The following DCUN1D4 variants were observed in gnomAD, a reference collection of about 807,000 sequenced individuals.
The protein encoded by DCUN1D4 is DCN1-like protein 4.
A neutral mutation model predicts 47.9 loss-of-function variants in DCUN1D4; 22 were observed. The observed-to-expected ratio is 0.46, with a 90% CI of 0.33 to 0.66. DCUN1D4 has a LOEUF of 0.66. Among genes scored for constraint, DCUN1D4 ranks in the 30% least tolerant of loss-of-function variants. The probability of loss-of-function intolerance (pLI) is 0.02; values close to 1 mark genes in which losing one functional copy is unlikely to be tolerated. For missense variants in DCUN1D4, 301 were observed against 340.8 expected, an observed-to-expected ratio of 0.88 and a Z score of 0.92; for synonymous variants, 121 against 112.2, an observed-to-expected ratio of 1.08 and a Z score of -0.50.
At chr4:51,891,274 C>G (rs1213854246) in intron 6 of DCUN1D4, among the ~76,000 whole-genome samples, 4 of 152,176 alleles carry the variant, frequency 2.6e-5, no homozygotes, top group Admixed American at 6.5e-5. Context: ...TCATAGTATT[C>G]CTTTATATGG....
chr4:51,836,598 C>G, the DCUN1D4 span, among the ~76,000 whole-genome samples: 2 of 152,110 alleles, frequency 1.3e-5, no homozygotes, highest in African/African-American at 4.8e-5. Flanking sequence ...GTGGCTGAGG[C>G]GGCTGTAACC....
chr4:51,854,707 G>GTAAC (rs1195896581), intron 1 of DCUN1D4, among the ~76,000 whole-genome samples: 5 of 152,208 alleles, frequency 3.3e-5, no homozygotes, highest in Admixed American at 6.5e-5. Flanking sequence ...AGGTCATGGA[G>GTAAC]TAACCTCCAT....
intron 3 of DCUN1D4, 31 bp downstream of exon 3, chr4:51,863,740 T>C (rs763152952): frequency 6.3e-7 from 1 of 1,596,170 alleles, no homozygotes; most frequent in Non-Finnish European, 8.6e-7. Context: ...TACTTAATTT[T>C]AAATAGCTTC....
At chr4:51,860,036 G>A (rs1724802391) in intron 1 of DCUN1D4, among the ~76,000 whole-genome samples, 1 of 152,086 alleles carries the variant, frequency 6.6e-6, no homozygotes, top group African/African-American at 2.4e-5. Flanking sequence ...GCTATTACTT[G>A]CCATGAGCAT....
rs182390621 is a variant in DCUN1D4, at chr4:51,864,375, T to A, written c.136+666T>A. 9.2e-5 allele frequency among the ~76,000 whole-genome samples: 14 copies of A among 152,362 alleles called. No individual in the cohort carries two copies. The East Asian group carries it at 2.7e-3, about 29-fold the overall frequency. On this transcript the variant is annotated intron_variant, in intron 3 of 10. Transcript: ENST00000334635. Reference sequence around the variant, plus strand: ...ATCAAGTCCAGAAACTTGCATTTGATCTATGGTTACTAAAATCCTAGCAAA... The same window carrying A: ...ATCAAGTCCAGAAACTTGCATTTGAACTATGGTTACTAAAATCCTAGCAAA...
upstream of DCUN1D4, chr4:51,842,914 G>A: frequency 1.9e-6 from 1 of 524,842 alleles, no homozygotes; most frequent in Non-Finnish European, 2.8e-6. Flanking sequence ...GTGACTGACA[G>A]CAGCCGGGCC....
intron 5 of DCUN1D4, among the ~76,000 whole-genome samples, chr4:51,879,209 A>G (rs1728150201): frequency 6.6e-6 from 1 of 152,226 alleles, no homozygotes; most frequent in Admixed American, 6.5e-5. Context: ...AAACACATGG[A>G]TGCTGTTAGC....
intron 8 of DCUN1D4, chr4:51,908,856 T>TATCAGTGAG: frequency 2.2e-6 from 1 of 455,570 alleles, no homozygotes; most frequent in South Asian, 1.5e-5. Context: ...AAATGTTGGT[T>TATCAGTGAG]ATCAGTGAGA....
At chr4:51,836,655 T>C in the DCUN1D4 span, among the ~76,000 whole-genome samples, 1 of 152,112 alleles carries the variant, frequency 6.6e-6, no homozygotes, top group African/African-American at 2.4e-5. Flanking sequence ...TTTGACATAC[T>C]TCATGCTCTT....
rs190090640 is a variant in DCUN1D4, at chr4:51,863,550, T to G, written c.96+43T>G. 3 of 1,584,910 alleles carry G rather than the reference T, an allele frequency of 1.9e-6. No homozygotes were observed. In the East Asian group the frequency reaches 6.7e-5, roughly 36 times the overall value. On this transcript the variant is annotated intron_variant, in intron 2 of 10. Transcript: ENST00000334635. ...AGACAAAATTACCAACTGTTTGAAG[T>G]AGTCATTTTGTATAAGTGTATTTGA...
intron 5 of DCUN1D4, among the ~76,000 whole-genome samples, chr4:51,882,464 A>G (rs1292262518): frequency 1.3e-5 from 2 of 152,202 alleles, no homozygotes; most frequent in East Asian, 3.9e-4. Flanking sequence ...GCGGCTTGCT[A>G]GGCTCAAGAA....
chr4:51,911,127 T>C lies in DCUN1D4; in HGVS notation c.673T>C (p.Leu225=), dbSNP rs1413796803. The part of the protein sequence containing the change: ...NTAKCMLGLL[L]GKIWPLFPVF... ...TGCCAAGTGCATGTTGGGACTGTTA[T>C]TAGGAAAAATCTGGCCCCTTTTTCC... The change falls in exon 9 of 11, where the codon TTA becomes CTA. Residue 225 remains leucine (L), a synonymous_variant. Coordinates refer to ENST00000334635, the MANE Select transcript of DCUN1D4 (RefSeq NM_001040402.3). 9 of 1,612,454 alleles carry C rather than the reference T, an allele frequency of 5.6e-6. No homozygotes were observed. The Admixed American group carries it at 1.0e-4, about 18-fold the overall frequency.
intron 1 of DCUN1D4, among the ~76,000 whole-genome samples, chr4:51,854,349 T>C (rs1274424321): frequency 6.6e-6 from 1 of 152,230 alleles, no homozygotes; most frequent in Non-Finnish European, 1.5e-5. Flanking sequence ...TTTAAGGGAA[T>C]CTTTTTTACT....
chr4:51,860,026 G>A (rs1724798092), intron 1 of DCUN1D4, among the ~76,000 whole-genome samples: 2 of 152,064 alleles, frequency 1.3e-5, no homozygotes, highest in Non-Finnish European at 2.9e-5. Context: ...GATTTCAAGG[G>A]CTATTACTTG....
intron 4 of DCUN1D4, 190 bp downstream of exon 4, chr4:51,874,575 T>A (rs1577935516): frequency 9.0e-6 from 4 of 442,242 alleles, no homozygotes; most frequent in South Asian, 4.3e-5. Flanking sequence ...AAGAACAAAT[T>A]AGGTAATTTG....
intron 3 of DCUN1D4, among the ~76,000 whole-genome samples, chr4:51,871,080 A>T (rs1003776154): frequency 3.3e-5 from 5 of 151,928 alleles, no homozygotes; most frequent in African/African-American, 1.2e-4. Flanking sequence ...TCTTTGTGAA[A>T]AATGACCCCT....
At chr4:51,844,945 C>A in intron 1 of DCUN1D4, 2 of 985,462 alleles carry the variant, frequency 2.0e-6, no homozygotes, top group South Asian at 4.7e-5. Context: ...GGTTGAGTTC[C>A]CAGGGACGGA....
chr4:51,840,900 G>A (rs1456373993), upstream of DCUN1D4, among the ~76,000 whole-genome samples: 1 of 152,108 alleles, frequency 6.6e-6, no homozygotes, highest in Non-Finnish European at 1.5e-5. Flanking sequence ...AAAGATCTGG[G>A]TAAATTACCT....
intron 1 of DCUN1D4, chr4:51,848,404 C>T: frequency 9.3e-7 from 1 of 1,078,388 alleles, no homozygotes; most frequent in South Asian, 2.7e-5. Context: ...TTGTCCTTTT[C>T]CCTTCTTTTT....
Sources: gnomAD v4.1 joint callset for allele counts (sites outside exome capture counted in the v4.1 genomes callset) on GRCh38, gnomAD v4.1.1 for gene constraint, MANE v1.5 for transcripts, NCBI Gene and HGNC (gene_info 2026-07-23, HGNC 2026-07-21) for gene names.